Variants in NRXN2 observed in about 807,000 individuals in gnomAD.
The protein encoded by NRXN2 is neurexin-2-beta.
A neutral mutation model predicts 128.8 loss-of-function variants in NRXN2; 29 were observed. The observed-to-expected ratio is 0.23, with a 90% confidence interval of 0.17 to 0.31. NRXN2 has a LOEUF of 0.31. Ranked by LOEUF, NRXN2 falls within the 10% of genes least tolerant of loss-of-function variation. NRXN2 has a pLI of 1.00. For missense variants in NRXN2, 1,881 were observed against 2,452.6 expected (o/e 0.77, Z 4.92); for synonymous variants, 1,098 against 1,075.2 (o/e 1.02, Z -0.41).
chr11:64,667,280 G>A lies in NRXN2; in HGVS notation c.1768C>T (p.His590Tyr). 1 of 1,614,232 alleles carries A rather than the reference G, an allele frequency of 6.2e-7. No individual in the cohort carries two copies. Among genetic ancestry groups the A allele is most frequent in the South Asian group, 1.1e-5 (1 of 91,088 alleles). The change falls in exon 9 of 23, where the codon CAC becomes TAC. Residue 590 changes from histidine (H) to tyrosine (Y), a missense_variant. Around this residue, in one of 7 missense-constraint regions of NRXN2, gnomAD observed 997 missense variants for 1,240.8 expected, o/e 0.80. Transcript: ENST00000265459. The surrounding 1 kb of genome is among the most constrained non-coding windows in gnomAD (Gnocchi z 5.6). ...SRKVNDGEWC[H>Y]VDFQRDGRKG... ...CGCCCATCCCTCTGGAAGTCCACGT[G>A]ACACCACTCGCCATCATTGACCTTG... is the stretch of plus-strand genomic sequence containing the variant.
At position 64,607,863 on chromosome 11, in the gene NRXN2, T is replaced by C; in HGVS notation, c.4472A>G (p.Glu1491Gly). The C allele has an allele frequency of 6.3e-7, 1 of 1,593,340 alleles. No individual in the cohort carries two copies. The highest frequency in any genetic ancestry group is 8.5e-7 in the Non-Finnish European group (1 of 1,170,732). Residue 1491 changes from glutamate to glycine, a missense_variant, in exon 23 of 23, where the codon GAG becomes GGG. Glu to Gly is a moderately conservative substitution (Grantham distance 98, BLOSUM62 -2). This residue lies in a region of NRXN2 where 310 missense variants were observed against 318.2 expected (regional missense o/e 0.97). Transcript: ENST00000265459. ...RDDSDCEEPIEASGFASGEVF... is the reference protein window; with the variant it reads ...RDDSDCEEPIGASGFASGEVF... The stretch of plus-strand genomic sequence containing the variant: ...CTCCCCGGAGGCGAAGCCCGAGGCC[T>C]CGATGGGCTCCTCGCAGTCGCTGTC...
chr11:64,644,421 G>A (rs1057197207), intron 17 of NRXN2, among the ~76,000 whole-genome samples: 3 of 151,988 alleles, frequency 2.0e-5, no homozygotes, highest in Non-Finnish European at 2.9e-5. Context: ...CTCCATGGGG[G>A]GTCTAGAGGA....
chr11:64,650,417 G>A (rs1262456241), intron 15 of NRXN2, 31 bp downstream of exon 15: 2 of 1,612,194 alleles, frequency 1.2e-6, no homozygotes, highest in South Asian at 1.1e-5. Flanking sequence ...CTGGGCTAGG[G>A]CCAGGCCTTC....
In NRXN2 at chr11:64,606,821, T is replaced by A. The variant is rs1240595331; in HGVS notation, c.*375A>T. On this transcript the variant is annotated 3_prime_UTR_variant, in exon 23 of 23. Coordinates refer to ENST00000265459, the MANE Select transcript of NRXN2 (RefSeq NM_015080.4). Reference sequence around the variant, plus strand: ...GGGACAGAAGGAAGAAGAAGAAAAATTGAGGAAAATTAACAGGACGAGCAG... The same window carrying A: ...GGGACAGAAGGAAGAAGAAGAAAAAATGAGGAAAATTAACAGGACGAGCAG... 1 of 211,672 alleles carries A rather than the reference T, an allele frequency of 4.7e-6. No individual in the cohort carries two copies. The highest frequency in any genetic ancestry group is 9.5e-6 in the Non-Finnish European group (1 of 104,910). The allele number at this position is 211,672 out of a possible 1,614,324, so 13.1% of individuals were successfully genotyped here.
chr11:64,715,754 G>A (rs879553965), intron 1 of NRXN2, among the ~76,000 whole-genome samples: 3 of 152,190 alleles, frequency 2.0e-5, no homozygotes, highest in Non-Finnish European at 4.4e-5. Context: ...CTCTGCCCGG[G>A]CAGTGGGGAG....
intron 6 of NRXN2, among the ~76,000 whole-genome samples, chr11:64,683,653 C>A (rs2052619995): frequency 6.6e-6 from 1 of 151,814 alleles, no homozygotes; most frequent in Admixed American, 6.6e-5. Context: ...AAAAGAAATT[C>A]CCCCAGAATC....
At chr11:64,650,004 C>A (rs1304759573) in intron 15 of NRXN2, among the ~76,000 whole-genome samples, 1 of 152,084 alleles carries the variant, frequency 6.6e-6, no homozygotes, top group Non-Finnish European at 1.5e-5. Flanking sequence ...CCCAAGCTAG[C>A]CCAGCCGATG....
At position 64,704,623 on chromosome 11, in the gene NRXN2, C is replaced by G. The variant is rs7937303; in HGVS notation, c.731-6831G>C. ...TCACACACACACACACACACACACA[C>G]AGAGAGAGAGAGAGAGAGAGAGAGA... On this transcript the variant is annotated intron_variant, in intron 2 of 22. Transcript: ENST00000265459. 5.0e-3 allele frequency among the ~76,000 whole-genome samples: 406 copies of G among 81,200 alleles called. 3 individuals are homozygous for G. The highest frequency in any genetic ancestry group is 8.7e-3 in the South Asian group (15 of 1,722). The allele number at this position is 81,200 out of a possible 152,430, so 53.3% of individuals were successfully genotyped here.
At chr11:64,697,481 T>C (rs1278584652) in intron 3 of NRXN2, among the ~76,000 whole-genome samples, 1 of 152,106 alleles carries the variant, frequency 6.6e-6, no homozygotes, top group Non-Finnish European at 1.5e-5. Context: ...CGGAATCCTG[T>C]CAGCCCCATC....
At chr11:64,613,241 T>C (rs2040951983) in intron 22 of NRXN2, among the ~76,000 whole-genome samples, 1 of 152,252 alleles carries the variant, frequency 6.6e-6, no homozygotes, top group South Asian at 2.1e-4. Flanking sequence ...AGCATGAGCG[T>C]GTGCATGTCA....
intron 2 of NRXN2, among the ~76,000 whole-genome samples, chr11:64,703,750 T>C (rs527361912): frequency 1.3e-5 from 2 of 152,274 alleles, no homozygotes; most frequent in East Asian, 3.9e-4. Flanking sequence ...TCCCACCTCC[T>C]CCTTGAAGCC....
At chr11:64,652,924 G>GC (rs886149110) in intron 12 of NRXN2, among the ~76,000 whole-genome samples, 3 of 149,790 alleles carry the variant, frequency 2.0e-5, no homozygotes, top group African/African-American at 7.3e-5. Flanking sequence ...GGTCATCCCT[G>GC]CCCCCCCACC....
intron 2 of NRXN2, among the ~76,000 whole-genome samples, chr11:64,702,932 T>G (rs2055697812): frequency 7.4e-6 from 1 of 134,476 alleles, no homozygotes. Flanking sequence ...GAGGTTACAG[T>G]GAGCTATGAT....
chr11:64,680,046 T>C (rs1320491914), intron 6 of NRXN2, among the ~76,000 whole-genome samples: 1 of 152,060 alleles, frequency 6.6e-6, no homozygotes, highest in African/African-American at 2.4e-5. Context: ...TGACAACACA[T>C]GATGAATGAG....
chr11:64,693,885 A>G (rs2054165484), intron 3 of NRXN2, among the ~76,000 whole-genome samples: 1 of 152,132 alleles, frequency 6.6e-6, no homozygotes, highest in Non-Finnish European at 1.5e-5. Flanking sequence ...TCTGACCAGG[A>G]CCTCTCTCAA....
chr11:64,720,401 C>T (rs963329323), intron 1 of NRXN2, among the ~76,000 whole-genome samples: 1 of 152,034 alleles, frequency 6.6e-6, no homozygotes, highest in Non-Finnish European at 1.5e-5. Context: ...TTGGGAGCTG[C>T]GAATGAAAGG....
chr11:64,677,731 G>A (rs906514432), intron 6 of NRXN2, among the ~76,000 whole-genome samples: 10 of 152,242 alleles, frequency 6.6e-5, no homozygotes, highest in Admixed American at 2.0e-4. Context: ...GGGCTGTGAG[G>A]AGGGATGGGC....
At position 64,714,832 on chromosome 11, in the gene NRXN2, G is replaced by A. The variant is rs911757214; in HGVS notation, c.-244-889C>T. 2.6e-5 allele frequency among the ~76,000 whole-genome samples: 4 copies of A among 152,146 alleles called. No homozygotes were observed. Among genetic ancestry groups the A allele is most frequent in the African/African-American group, 4.8e-5 (2 of 41,420 alleles). On this transcript the variant is annotated intron_variant, in intron 1 of 22. Transcript: ENST00000265459. This position sits in a 1 kb window ranked among gnomAD's most constrained non-coding sequence, Gnocchi z 4.5. ...TTTCTGAAATGATTACCCTTGTAAC[G>A]GGCTGTCAGAGAGCAATTTATACCC...
intron 2 of NRXN2, among the ~76,000 whole-genome samples, chr11:64,698,990 A>G (rs2054913583): frequency 6.6e-6 from 1 of 152,224 alleles, no homozygotes; most frequent in Non-Finnish European, 1.5e-5. Context: ...GCCCCAGGAT[A>G]CACACTTATG....
Sources: allele counts gnomAD v4.1 joint callset (sites outside exome capture counted in the v4.1 genomes callset), GRCh38; gene constraint gnomAD v4.1.1; regional missense constraint gnomAD v4.1.1; non-coding constraint Gnocchi (gnomAD v3.1); transcripts MANE v1.5; gene names NCBI Gene and HGNC (gene_info 2026-07-23, HGNC 2026-07-21).